Variants in GAS7 observed in about 807,000 individuals in gnomAD.
GAS7 encodes the protein growth arrest specific 7, also known as growth arrest-specific protein 7.
In GAS7, 28 loss-of-function variants were observed where a neutral mutation model predicts 71.1. The ratio of observed to expected loss-of-function variants is 0.39; its 90% confidence interval spans 0.29 to 0.54. GAS7 has a LOEUF of 0.54. GAS7 is among the 20% of genes least tolerant of loss of function. GAS7 has a pLI of 0.62. For missense variants in GAS7, 436 were observed against 627.8 expected, an observed-to-expected ratio of 0.69 and a Z score of 3.27; for synonymous variants, 258 against 245.8, an observed-to-expected ratio of 1.05 and a Z score of -0.46.
chr17:10,099,928 A>C (rs12601160), intron 1 of GAS7, among the ~76,000 whole-genome samples: 41,281 of 152,098 alleles, frequency 0.27, 5,604 homozygotes, highest in Admixed American at 0.31. Context: ...GGAAGGCCAG[A>C]ACACTCTTCT....
intron 3 of GAS7, among the ~76,000 whole-genome samples, chr17:9,980,971 C>G (rs530550791): frequency 1.3e-5 from 2 of 152,270 alleles, no homozygotes; most frequent in South Asian, 4.2e-4. Flanking sequence ...CAAGAGGCCC[C>G]TGAACAAACC....
chr17:10,163,311 G>A (rs1379659149), intron 1 of GAS7, among the ~76,000 whole-genome samples: 1 of 151,862 alleles, frequency 6.6e-6, no homozygotes, highest in Non-Finnish European at 1.5e-5. Context: ...GGGGTGCGGG[G>A]GAGTGGTTTC....
At chr17:10,105,943 T>C (rs1392639538) in intron 1 of GAS7, among the ~76,000 whole-genome samples, 4 of 152,172 alleles carry the variant, frequency 2.6e-5, no homozygotes, top group Non-Finnish European at 1.5e-5. Context: ...ATGTTCGTAT[T>C]TCCTCTCGAG....
intron 1 of GAS7, among the ~76,000 whole-genome samples, chr17:10,063,041 A>T (rs2073236480): frequency 1.3e-5 from 2 of 152,224 alleles, no homozygotes; most frequent in Admixed American, 1.3e-4. Context: ...AGCAAAGGCA[A>T]CCCTTGCCTC....
chr17:10,122,456 A>T (rs545623513), intron 1 of GAS7, among the ~76,000 whole-genome samples: 61 of 152,284 alleles, frequency 4.0e-4, no homozygotes, highest in Middle Eastern at 3.4e-3. Flanking sequence ...ATTTTCTCAG[A>T]ACAAAGCGAG....
chr17:9,967,290 C>T (rs2069757960), intron 4 of GAS7, among the ~76,000 whole-genome samples: 1 of 151,802 alleles, frequency 6.6e-6, no homozygotes, highest in Admixed American at 6.6e-5. Context: ...GACCCATGAT[C>T]TTAGACCAAA....
chr17:9,947,674 G>A (rs2068840953), intron 5 of GAS7, among the ~76,000 whole-genome samples: 1 of 151,888 alleles, frequency 6.6e-6, no homozygotes, highest in African/African-American at 2.4e-5. Context: ...GACCCGGGAG[G>A]CAGAGGTTGC....
intron 1 of GAS7, among the ~76,000 whole-genome samples, chr17:10,077,794 T>C (rs1432558195): frequency 2.6e-5 from 4 of 152,038 alleles, no homozygotes; most frequent in African/African-American, 9.7e-5. Flanking sequence ...TACTGCAGGG[T>C]GTGATCCAAT....
At chr17:10,152,527 G>C (rs192491308) in intron 1 of GAS7, among the ~76,000 whole-genome samples, 1 of 152,278 alleles carries the variant, frequency 6.6e-6, no homozygotes, top group Non-Finnish European at 1.5e-5. Context: ...GACCCACCTA[G>C]ACCGAGTGAC....
intron 1 of GAS7, among the ~76,000 whole-genome samples, chr17:10,040,889 C>T (rs1392351083): frequency 6.6e-6 from 1 of 152,122 alleles, no homozygotes; most frequent in Admixed American, 6.5e-5. Context: ...GGGCCGGGCA[C>T]GGTGGCTCAC....
At chr17:10,091,570 T>C (rs985675626) in intron 1 of GAS7, among the ~76,000 whole-genome samples, 1 of 152,088 alleles carries the variant, frequency 6.6e-6, no homozygotes, top group African/African-American at 2.4e-5. Context: ...GTATTTTTAG[T>C]AGAGATGGGG....
chr17:10,132,385 C>A (rs1167168325), intron 1 of GAS7, among the ~76,000 whole-genome samples: 1 of 152,222 alleles, frequency 6.6e-6, no homozygotes, highest in Non-Finnish European at 1.5e-5. Context: ...TACGTGCACA[C>A]CCATCATCTC....
chr17:10,128,310 C>T (rs961189227), intron 1 of GAS7, among the ~76,000 whole-genome samples: 5 of 152,214 alleles, frequency 3.3e-5, no homozygotes, highest in Non-Finnish European at 5.9e-5. Flanking sequence ...AGTCCACAGA[C>T]GACTGTTCCC....
chr17:10,153,123 T>C (rs922371205), intron 1 of GAS7, among the ~76,000 whole-genome samples: 3 of 149,376 alleles, frequency 2.0e-5, no homozygotes, highest in Middle Eastern at 3.3e-3. Flanking sequence ...GGCAGGAGAA[T>C]TGCTTGAACC....
chr17:9,944,238 C>T (rs974581582), intron 6 of GAS7, among the ~76,000 whole-genome samples: 8 of 152,218 alleles, frequency 5.3e-5, no homozygotes, highest in African/African-American at 1.9e-4. Context: ...CCAGGGCCAT[C>T]CCAGGCATGT....
At chr17:10,128,713 G>A (rs1050265280) in intron 1 of GAS7, among the ~76,000 whole-genome samples, 4 of 150,630 alleles carry the variant, frequency 2.7e-5, no homozygotes, top group Non-Finnish European at 4.4e-5. Context: ...TCCGCCTCCC[G>A]GGTTCACACC....
chr17:9,988,872 G>A (rs955009791), intron 2 of GAS7, among the ~76,000 whole-genome samples: 5 of 141,784 alleles, frequency 3.5e-5, no homozygotes, highest in South Asian at 4.4e-4. Flanking sequence ...TTTTTGAGAC[G>A]GAGTCTCGCT....
intron 1 of GAS7, chr17:10,036,526 C>A: frequency 6.2e-7 from 1 of 1,602,202 alleles, no homozygotes; most frequent in Non-Finnish European, 8.5e-7. Flanking sequence ...ACCAAGACTC[C>A]GCCGGCTTCC....
chr17:10,023,411 C>T (rs1019020715), intron 1 of GAS7, among the ~76,000 whole-genome samples: 2 of 152,050 alleles, frequency 1.3e-5, no homozygotes, highest in East Asian at 1.9e-4. Context: ...CAATATCATT[C>T]GTAATGGCCA....
Sources: allele counts gnomAD v4.1 joint callset (sites outside exome capture counted in the v4.1 genomes callset), GRCh38; gene constraint gnomAD v4.1.1; transcripts MANE v1.5; gene names NCBI Gene and HGNC (gene_info 2026-07-23, HGNC 2026-07-21).